GLI2: variants seen among roughly 807,000 people sequenced by gnomAD.
GLI2 encodes the protein transcription activator GLI2.
In GLI2, 22 loss-of-function variants were observed where a neutral mutation model predicts 78.9. The ratio of observed to expected loss-of-function variants is 0.28; its 90% CI spans 0.20 to 0.40. The LOEUF (loss-of-function observed/expected upper bound fraction) is 0.40. Among genes scored for constraint, GLI2 ranks in the 10% least tolerant of loss-of-function variants. The pLI is 1.00. For missense variants in GLI2, 2,097 were observed against 2,213.2 expected (o/e 0.95, Z 1.05); for synonymous variants, 974 against 963.7 (o/e 1.01, Z -0.20).
At chr2:120,918,011 C>T (rs958774404) in intron 2 of GLI2, among the ~76,000 whole-genome samples, 1 of 152,204 alleles carries the variant, frequency 6.6e-6, no homozygotes, top group African/African-American at 2.4e-5. Context: ...ATCTTTCCTG[C>T]AAAGCCATGG....
At chr2:120,750,964 T>A (rs948216107) in intron 1 of GLI2, among the ~76,000 whole-genome samples, 21 of 152,242 alleles carry the variant, frequency 1.4e-4, no homozygotes, top group Non-Finnish European at 2.5e-4. Context: ...CAGAGGCCTC[T>A]CCAAAGCGGG....
intron 2 of GLI2, among the ~76,000 whole-genome samples, chr2:120,822,402 C>T (rs1164666435): frequency 6.6e-6 from 1 of 152,170 alleles, no homozygotes; most frequent in African/African-American, 2.4e-5. Flanking sequence ...CCCTAAGGCT[C>T]CAGAACCTTT....
chr2:120,876,247 C>T (rs558162939), intron 2 of GLI2, among the ~76,000 whole-genome samples: 29 of 152,256 alleles, frequency 1.9e-4, no homozygotes, highest in African/African-American at 5.8e-4. Flanking sequence ...GAGGCTGAGG[C>T]GGGAGAGTGG....
At chr2:120,844,452 T>C (rs1687019788) in intron 2 of GLI2, among the ~76,000 whole-genome samples, 1 of 152,212 alleles carries the variant, frequency 6.6e-6, no homozygotes, top group Non-Finnish European at 1.5e-5. Context: ...CAGGTGGGGC[T>C]TGGAGGGTCT....
At chr2:120,889,259 C>T (rs370628446) in intron 2 of GLI2, among the ~76,000 whole-genome samples, 13 of 152,338 alleles carry the variant, frequency 8.5e-5, no homozygotes, top group African/African-American at 7.2e-5. Flanking sequence ...CTTTGTATCA[C>T]GTCTTTCCTG....
chr2:120,875,768 G>A (rs984267934), intron 2 of GLI2, among the ~76,000 whole-genome samples: 8 of 151,792 alleles, frequency 5.3e-5, no homozygotes, highest in African/African-American at 9.7e-5. Context: ...GCAACAAAAC[G>A]CCAAAGAGCC....
At chr2:120,874,217 C>A (rs565856724) in intron 2 of GLI2, among the ~76,000 whole-genome samples, 37 of 152,308 alleles carry the variant, frequency 2.4e-4, no homozygotes, top group African/African-American at 8.4e-4. Context: ...GTGTGAGAGC[C>A]CCTGTTTGCC....
At chr2:120,974,616 G>T (rs1169510537) in intron 8 of GLI2, among the ~76,000 whole-genome samples, 1 of 152,238 alleles carries the variant, frequency 6.6e-6, no homozygotes, top group African/African-American at 2.4e-5. Context: ...GAATGCAGAT[G>T]CCCATGCGTT....
At chr2:120,811,838 C>T (rs1437282366) in intron 2 of GLI2, among the ~76,000 whole-genome samples, 1 of 152,106 alleles carries the variant, frequency 6.6e-6, no homozygotes, top group Admixed American at 6.5e-5. Context: ...TTTTTCCTCC[C>T]TCCCTCCCTC....
chr2:120,863,305 G>T (rs1303548347), intron 2 of GLI2, among the ~76,000 whole-genome samples: 2 of 152,222 alleles, frequency 1.3e-5, no homozygotes, highest in Non-Finnish European at 2.9e-5. Context: ...TCCGGCCAGT[G>T]CCCGTGTTGC....
chr2:120,885,137 C>A (rs568065462), intron 2 of GLI2, among the ~76,000 whole-genome samples: 1 of 152,334 alleles, frequency 6.6e-6, no homozygotes, highest in South Asian at 2.1e-4. Context: ...AGGCTTTCCC[C>A]GATCTCATCA....
chr2:120,812,045 T>C (rs559607766), intron 2 of GLI2, among the ~76,000 whole-genome samples: 5 of 152,106 alleles, frequency 3.3e-5, no homozygotes, highest in Non-Finnish European at 5.9e-5. Context: ...GTAAGATGGG[T>C]ATTCTGGCAG....
At chr2:120,816,641 T>C (rs1685507852) in intron 2 of GLI2, among the ~76,000 whole-genome samples, 1 of 111,590 alleles carries the variant, frequency 9.0e-6, no homozygotes, top group Admixed American at 9.4e-5. Context: ...AAAGAGCTTC[T>C]CCAAAATTAA....
At chr2:120,821,267 T>C (rs1685761404) in intron 2 of GLI2, among the ~76,000 whole-genome samples, 1 of 152,124 alleles carries the variant, frequency 6.6e-6, no homozygotes, top group Non-Finnish European at 1.5e-5. Context: ...TAGAGTTTAC[T>C]AGGACAAGCA....
rs147577086 is a variant in GLI2, at chr2:120,787,728, G to A, written c.-30-9563G>A. On this transcript the variant is annotated intron_variant, in intron 1 of 13. Coordinates refer to ENST00000361492, the MANE Select transcript of GLI2 (RefSeq NM_001374353.1). Reference sequence around the variant, plus strand: ...GCCCCTTGTTCCCCTTGCAGACAGCGGCCTCAGAGCACGTCCCAACCCTCT... The same window carrying A: ...GCCCCTTGTTCCCCTTGCAGACAGCAGCCTCAGAGCACGTCCCAACCCTCT... 2.4e-3 allele frequency among the ~76,000 whole-genome samples: 359 copies of A among 152,352 alleles called. 1 individual carries two copies. Among genetic ancestry groups the A allele is most frequent in the African/African-American group, 8.3e-3 (344 of 41,604 alleles).
At chr2:120,850,916 C>G (rs1440039064) in intron 2 of GLI2, among the ~76,000 whole-genome samples, 1 of 152,108 alleles carries the variant, frequency 6.6e-6, no homozygotes, top group African/African-American at 2.4e-5. Flanking sequence ...ATTTTAATAC[C>G]TTCCTTATAT....
chr2:120,875,068 C>T (rs1469673439), intron 2 of GLI2, among the ~76,000 whole-genome samples: 9 of 152,338 alleles, frequency 5.9e-5, no homozygotes, highest in East Asian at 1.9e-4. Flanking sequence ...GTCTGAGACT[C>T]GCCAGTGGCC....
At chr2:120,901,167 G>A (rs185949956) in intron 2 of GLI2, among the ~76,000 whole-genome samples, 141 of 152,302 alleles carry the variant, frequency 9.3e-4, no homozygotes, top group Non-Finnish European at 1.6e-3. Flanking sequence ...CCTGCCATCC[G>A]TGTTTTACTG....
chr2:120,819,404 T>C (rs1383976976), intron 2 of GLI2, among the ~76,000 whole-genome samples: 1 of 151,996 alleles, frequency 6.6e-6, no homozygotes, highest in African/African-American at 2.4e-5. Flanking sequence ...CATGCCTGGC[T>C]ATTTTTAATA....
Sources: allele counts gnomAD v4.1 joint callset (sites outside exome capture counted in the v4.1 genomes callset), GRCh38; gene constraint gnomAD v4.1.1; transcripts MANE v1.5; gene names NCBI Gene and HGNC (gene_info 2026-07-23, HGNC 2026-07-21).